Variants in MAP4K5 observed in about 807,000 individuals in gnomAD.
The protein encoded by MAP4K5 is MAPK/ERK kinase kinase kinase 5.
Under a neutral mutation model 135.6 loss-of-function variants are expected in MAP4K5, and 82 were observed. That is an observed-to-expected ratio of 0.60 (90% CI 0.51 to 0.73). The LOEUF is 0.73. Among genes scored for constraint, MAP4K5 ranks in the 30% least tolerant of loss-of-function variants. The pLI is 0.00. For missense variants in MAP4K5, 907 were observed against 1,010.9 expected (o/e 0.90, Z 1.39); for synonymous variants, 347 against 335.0 (o/e 1.04, Z -0.39).
chr14:50,447,469 C>G lies in MAP4K5; in HGVS notation c.1087G>C (p.Asp363His), dbSNP rs1016406239. 5.2e-6 allele frequency: 8 copies of G among 1,543,776 alleles called. No individual in the cohort carries two copies. The African/African-American group carries it at 9.6e-5, about 19-fold the overall frequency. ...TTCCACTGTAACATGAAATTTGGGT[C>G]TGATGACAATCCCTGTAAAGATAAA... ...EARDEMGLSS[D>H]PNFMLQWNPF... The change falls in exon 16 of 33, where the codon GAC becomes CAC. Residue 363 changes from aspartate (D) to histidine (H), a missense_variant. By Grantham distance (81) the Asp-to-His change is moderately conservative. This residue lies in a region of MAP4K5 where 690 missense variants were observed against 777.4 expected (regional missense o/e 0.89). Coordinates refer to ENST00000682126, the MANE Select transcript of MAP4K5 (RefSeq NM_006575.6).
chr14:50,448,949 CA>C (rs1424834869), intron 14 of MAP4K5, 117 bp from the exon 15 acceptor site: 8 of 642,740 alleles, frequency 1.2e-5, no homozygotes, highest in Admixed American at 3.2e-5. Context: ...GGAAAGAAGA[CA>C]AAAAATATGT....
At chr14:50,438,979 T>C (rs1382228884) in intron 23 of MAP4K5, among the ~76,000 whole-genome samples, 4 of 152,110 alleles carry the variant, frequency 2.6e-5, no homozygotes, top group South Asian at 2.1e-4. Flanking sequence ...CAATTCATAA[T>C]TGTCAACTCA....
At chr14:50,429,020 C>T (rs529875214) in intron 29 of MAP4K5, among the ~76,000 whole-genome samples, 172 bp downstream of exon 29, 1 of 152,084 alleles carries the variant, frequency 6.6e-6, no homozygotes, top group Non-Finnish European at 1.5e-5. Context: ...AAAATGGCTA[C>T]CTCGGTGCTC....
chr14:50,485,711 C>A, intron 4 of MAP4K5, 69 bp from the exon 5 acceptor site: 1 of 890,380 alleles, frequency 1.1e-6, no homozygotes, highest in South Asian at 1.6e-5. Context: ...CTAAGGCTCT[C>A]ACTCTTTAGC....
At chr14:50,554,503 G>C (rs1049653590) in intron 1 of MAP4K5, among the ~76,000 whole-genome samples, 1 of 152,204 alleles carries the variant, frequency 6.6e-6, no homozygotes, top group Non-Finnish European at 1.5e-5. Flanking sequence ...GTGGATTGTA[G>C]TGTGATGTGT....
intron 8 of MAP4K5, 38 bp from the exon 9 acceptor site, chr14:50,475,187 A>T: frequency 1.4e-6 from 2 of 1,460,320 alleles, no homozygotes; most frequent in Non-Finnish European, 1.9e-6. Context: ...AGTTCTTTAC[A>T]ATACACCAAA....
intron 2 of MAP4K5, among the ~76,000 whole-genome samples, chr14:50,509,441 T>C (rs2037884011): frequency 6.6e-6 from 1 of 152,176 alleles, no homozygotes; most frequent in Non-Finnish European, 1.5e-5. Flanking sequence ...AATAATCTAC[T>C]GAAAACAGCT....
At chr14:50,444,303 T>C (rs958123161) in intron 18 of MAP4K5, among the ~76,000 whole-genome samples, 1 of 152,240 alleles carries the variant, frequency 6.6e-6, no homozygotes, top group Non-Finnish European at 1.5e-5. Context: ...CAAGGCTTTT[T>C]ATAATTGAAC....
chr14:50,484,479 T>C (rs2037320589), intron 5 of MAP4K5, among the ~76,000 whole-genome samples: 1 of 152,170 alleles, frequency 6.6e-6, no homozygotes. Flanking sequence ...AGGTATTCTT[T>C]CATTTTGCTA....
At chr14:50,469,984 A>G (rs1295046323) in intron 9 of MAP4K5, among the ~76,000 whole-genome samples, 7 of 152,204 alleles carry the variant, frequency 4.6e-5, no homozygotes, top group Non-Finnish European at 1.0e-4. Context: ...GTGAACATGT[A>G]GATGTGTACT....
chr14:50,518,617 A>T (rs564188220), intron 2 of MAP4K5, among the ~76,000 whole-genome samples: 1 of 152,328 alleles, frequency 6.6e-6, no homozygotes, highest in South Asian at 2.1e-4. Flanking sequence ...CCCCACTCCC[A>T]GGCAGACAGA....
At chr14:50,560,110 C>G in intron 1 of MAP4K5, 5 of 818,772 alleles carry the variant, frequency 6.1e-6, no homozygotes, top group South Asian at 1.6e-5. Flanking sequence ...CTTTTCCTCC[C>G]CACTCCTTCC....
rs761413691 is a variant in MAP4K5 at position 50,532,039 on chromosome 14, G to A, written c.11C>T (p.Pro4Leu). Reference sequence around the variant, plus strand: ...CAGGATGTCCGCGGCAGGCCGCAGCGGGGCCTCCATCTTCACTTAGGGCCC... The same window carrying A: ...CAGGATGTCCGCGGCAGGCCGCAGCAGGGCCTCCATCTTCACTTAGGGCCC... MEA[P>L]LRPAADILRR... Residue 4 changes from proline (P) to leucine (L), a missense_variant, in exon 2 of 33, where the codon CCG becomes CTG. Physicochemically the swap from Pro to Leu is moderately conservative, Grantham distance 98 (BLOSUM62 -3). This residue lies in a region of MAP4K5 where 196 missense variants were observed against 189.3 expected (regional missense o/e 1.04). Transcript: ENST00000682126. 73 of 1,569,184 alleles carry A rather than the reference G, an allele frequency of 4.7e-5. No individual in the cohort carries two copies. The highest frequency in any genetic ancestry group is 6.1e-6 in the Non-Finnish European group (7 of 1,155,372).
chr14:50,504,444 T>C (rs907621317), intron 3 of MAP4K5, among the ~76,000 whole-genome samples: 6 of 152,134 alleles, frequency 3.9e-5, no homozygotes, highest in African/African-American at 1.4e-4. Context: ...AGGGAATAGC[T>C]GACAAACAAA....
chr14:50,429,269 G>A lies in MAP4K5; in HGVS notation c.2165-9C>T. 2 of 1,535,092 alleles carry A rather than the reference G, an allele frequency of 1.3e-6. No individual in the cohort carries two copies. Among genetic ancestry groups the A allele is most frequent in the South Asian group, 1.2e-5 (1 of 82,870 alleles). On this transcript the variant is annotated splice_polypyrimidine_tract_variant and intron_variant, in intron 28 of 32. Transcript: ENST00000682126. Reference sequence around the variant, plus strand: ...ATCTAACTGCTGGCTGCCTTAGGAAGTAAAAAACAAGGTTACAATTATACT... The same window carrying A: ...ATCTAACTGCTGGCTGCCTTAGGAAATAAAAAACAAGGTTACAATTATACT...
intron 3 of MAP4K5, among the ~76,000 whole-genome samples, chr14:50,498,549 C>A (rs980674058): frequency 2.6e-5 from 4 of 152,150 alleles, no homozygotes; most frequent in Non-Finnish European, 4.4e-5. Flanking sequence ...CTTACTGTAG[C>A]ATTTTTTTGA....
chr14:50,442,830 A>G lies in MAP4K5; in HGVS notation c.1480-14T>C. 6.8e-7 allele frequency: 1 copy of G among 1,467,338 alleles called. No homozygotes were observed. Among genetic ancestry groups the G allele is most frequent in the Non-Finnish European group, 9.3e-7 (1 of 1,074,004 alleles). The allele number at this position is 1,467,338 out of a possible 1,614,324, so 90.9% of individuals were successfully genotyped here. ...GCATGCTCCCATCTTATTTATAAAG[A>G]AAGAAATGTTAACTTATTTGATTAG... On this transcript the variant is annotated splice_polypyrimidine_tract_variant and intron_variant, in intron 20 of 32. Transcript: ENST00000682126.
intron 1 of MAP4K5, among the ~76,000 whole-genome samples, chr14:50,548,720 C>G (rs1345707700): frequency 6.6e-6 from 1 of 152,054 alleles, no homozygotes; most frequent in Non-Finnish European, 1.5e-5. Context: ...CTGTGTTAGC[C>G]AGGATGGTCT....
At chr14:50,515,115 G>C (rs1342925610) in intron 2 of MAP4K5, among the ~76,000 whole-genome samples, 1 of 152,012 alleles carries the variant, frequency 6.6e-6, no homozygotes, top group Non-Finnish European at 1.5e-5. Flanking sequence ...TGTTGGCCAG[G>C]ATGGTCTCGA....
Sources: allele counts gnomAD v4.1 joint callset (sites outside exome capture counted in the v4.1 genomes callset), GRCh38; gene constraint gnomAD v4.1.1; regional missense constraint gnomAD v4.1.1; transcripts MANE v1.5; gene names NCBI Gene and HGNC (gene_info 2026-07-23, HGNC 2026-07-21).